The following CGNL1 variants were observed in gnomAD, a reference collection of about 807,000 sequenced individuals.
CGNL1 encodes cingulin-like protein 1.
Under a neutral mutation model 141.2 loss-of-function variants are expected in CGNL1, and 132 were observed. That is an observed-to-expected ratio of 0.93 (90% CI 0.81 to 1.08). The LOEUF is 1.08. Ranked by LOEUF, CGNL1 falls within the 50% of genes least tolerant of loss-of-function variation. CGNL1 has a pLI of 0.00. For missense variants in CGNL1, 1,870 were observed against 1,588.6 expected, an observed-to-expected ratio of 1.18 and a Z score of -3.01; for synonymous variants, 690 against 622.1, an observed-to-expected ratio of 1.11 and a Z score of -1.63.
At chr15:57,497,263 T>C (rs2152384736) in intron 8 of CGNL1, among the ~76,000 whole-genome samples, 1 of 152,232 alleles carries the variant, frequency 6.6e-6, no homozygotes, top group Middle Eastern at 3.4e-3. Context: ...CTTTGTTTGC[T>C]CCTGTGTGTG....
At chr15:57,392,570 T>C (rs2062555125) in intron 1 of CGNL1, among the ~76,000 whole-genome samples, 1 of 152,240 alleles carries the variant, frequency 6.6e-6, no homozygotes, top group South Asian at 2.1e-4. Flanking sequence ...AGTATGACTG[T>C]CATTTCCTAC....
rs772842802 is a variant in CGNL1, at chr15:57,548,163, G to T, written c.*673G>T. 4 of 152,030 alleles carry T rather than the reference G, an allele frequency of 2.6e-5. No individual in the cohort carries two copies. The highest frequency in any genetic ancestry group is 4.8e-5 in the African/African-American group (2 of 41,378). The allele number at this position is 152,030 out of a possible 1,614,324, so 9.4% of individuals were successfully genotyped here. A position where few individuals can be genotyped will look rare whatever the true frequency, so the allele number is the denominator to read the frequency against. ...ATTACAGATGACCACCACCACTCCTGGCTAATTTTTTGTATTTAGTAGAGA... is the reference window on the plus strand; with the variant it reads ...ATTACAGATGACCACCACCACTCCTTGCTAATTTTTTGTATTTAGTAGAGA... On this transcript the variant is annotated 3_prime_UTR_variant, in exon 19 of 19. Transcript: ENST00000281282.
At chr15:57,404,192 G>C (rs2062690287) in intron 1 of CGNL1, among the ~76,000 whole-genome samples, 1 of 152,210 alleles carries the variant, frequency 6.6e-6, no homozygotes, top group South Asian at 2.1e-4. Flanking sequence ...CAGGAAAGTA[G>C]CTTATTTCTC....
At chr15:57,537,159 A>G (rs542980444) in intron 14 of CGNL1, among the ~76,000 whole-genome samples, 1 of 152,328 alleles carries the variant, frequency 6.6e-6, no homozygotes, top group South Asian at 2.1e-4. Flanking sequence ...GGAGACCATG[A>G]TGACCCAGCC....
chr15:57,478,457 T>G (rs139426877), intron 8 of CGNL1: 6 of 152,392 alleles, frequency 3.9e-5, no homozygotes, highest in African/African-American at 1.4e-4. Context: ...GCACAGCTCC[T>G]TCTGGAAGGC....
In CGNL1 at chr15:57,384,080, T is replaced by G. The variant is rs537830680; in HGVS notation, c.-16+7513T>G. Reference sequence around the variant, plus strand: ...AGCTTTGGGGAGTGGGGTGGGTGGGTTGGGAGGAGAAGGTAGGGTGAAGGG... The same window carrying G: ...AGCTTTGGGGAGTGGGGTGGGTGGGGTGGGAGGAGAAGGTAGGGTGAAGGG... On this transcript the variant is annotated intron_variant, in intron 1 of 18. Transcript: ENST00000281282. 1.8e-3 allele frequency among the ~76,000 whole-genome samples: 219 copies of G among 124,452 alleles called. 3 individuals carry two copies. Among genetic ancestry groups the G allele is most frequent in the African/African-American group, 6.2e-3 (205 of 33,178 alleles). 81.6% of individuals were successfully genotyped at this position (124,452 alleles called of 152,430 possible).
chr15:57,540,674 T>G (rs1345625096), intron 14 of CGNL1, among the ~76,000 whole-genome samples: 1 of 152,200 alleles, frequency 6.6e-6, no homozygotes, highest in African/African-American at 2.4e-5. Flanking sequence ...AGTCACCCAG[T>G]GCACCCACCC....
At chr15:57,427,318 GTTTTTAATAGCCACACTATACAATA>G (rs1408187297) in intron 1 of CGNL1, among the ~76,000 whole-genome samples, 2 of 152,196 alleles carry the variant, frequency 1.3e-5, no homozygotes, top group African/African-American at 4.8e-5. Flanking sequence ...TATCTTCCAT[GTTTTTAATAGCCACACTATACAATA>G]CAGAGTAGGT....
chr15:57,503,120 T>A (rs1466090597), intron 8 of CGNL1, among the ~76,000 whole-genome samples: 2 of 152,216 alleles, frequency 1.3e-5, no homozygotes, highest in Non-Finnish European at 2.9e-5. Flanking sequence ...TCTATTACTC[T>A]GCAGAGCCTC....
At chr15:57,475,251 C>A (rs1307771852) in intron 8 of CGNL1, among the ~76,000 whole-genome samples, 1 of 152,242 alleles carries the variant, frequency 6.6e-6, no homozygotes, top group Non-Finnish European at 1.5e-5. Context: ...CTGGCTCCCA[C>A]CTGCCTTTGC....
chr15:57,517,120 C>T, intron 9 of CGNL1, 134 bp downstream of exon 9: 1 of 835,610 alleles, frequency 1.2e-6, no homozygotes, highest in Middle Eastern at 3.6e-4. Flanking sequence ...TGAATACATC[C>T]TCTCTGCAAG....
chr15:57,488,848 C>T (rs1478599092), intron 8 of CGNL1, among the ~76,000 whole-genome samples: 4 of 152,174 alleles, frequency 2.6e-5, no homozygotes, highest in Non-Finnish European at 5.9e-5. Context: ...TCCGGGCTGT[C>T]AATGTAATCT....
intron 8 of CGNL1, among the ~76,000 whole-genome samples, chr15:57,497,406 G>C (rs2063956251): frequency 6.6e-6 from 1 of 152,124 alleles, no homozygotes; most frequent in Non-Finnish European, 1.5e-5. Flanking sequence ...CAGGGTTCCT[G>C]TTGTGACAGC....
At position 57,439,129 on chromosome 15, in the gene CGNL1, GAATT is replaced by G; in HGVS notation, c.1134_1137del (p.Asn379GlnfsTer25). The G allele has an allele frequency of 6.2e-7, 1 of 1,614,220 alleles. No individual in the cohort carries two copies. Among genetic ancestry groups the G allele is most frequent in the Non-Finnish European group, 8.5e-7 (1 of 1,180,048 alleles). On this transcript the variant is annotated frameshift_variant, in exon 2 of 19. Coordinates refer to ENST00000281282, the MANE Select transcript of CGNL1 (RefSeq NM_032866.5). LOFTEE classifies it high-confidence loss of function. The stretch of plus-strand genomic sequence containing the variant: ...AGAGGAAGGTCTGGGAAGCGAAACA[GAATT>G]AATACAGATGACAGGAAAAGATCCA...
intron 1 of CGNL1, among the ~76,000 whole-genome samples, chr15:57,418,054 C>G (rs1459149894): frequency 6.6e-6 from 1 of 152,074 alleles, no homozygotes; most frequent in African/African-American, 2.4e-5. Context: ...ATGTTGGGGA[C>G]ACCATCAGGG....
chr15:57,440,444 A>G lies in CGNL1; in HGVS notation c.1670A>G (p.Gln557Arg). ...CAAACCAATGAGGAGACAGCTAAGC[A>G]GATTCTCTACAATTACCTCAAAGAA... is the stretch of plus-strand genomic sequence containing the variant. ...TQQTNEETAK[Q>R]ILYNYLKEGS... The change falls in exon 3 of 19, where the codon CAG (glutamine) becomes CGG (arginine). Residue 557 changes from glutamine to arginine, a missense_variant. Gln to Arg is a conservative substitution (Grantham distance 43). Coordinates refer to ENST00000281282, the MANE Select transcript of CGNL1 (RefSeq NM_032866.5). The G allele has an allele frequency of 6.3e-7, 1 of 1,597,332 alleles. No individual in the cohort carries two copies. The highest frequency in any genetic ancestry group is 8.5e-7 in the Non-Finnish European group (1 of 1,170,776).
intron 8 of CGNL1, among the ~76,000 whole-genome samples, chr15:57,508,100 G>GTGATGAA (rs2064128652): frequency 6.6e-6 from 1 of 152,154 alleles, no homozygotes. Flanking sequence ...TGGTACCTGG[G>GTGATGAA]TGATGAATAC....
chr15:57,493,821 G>A (rs1217280456), intron 8 of CGNL1, among the ~76,000 whole-genome samples: 1 of 152,190 alleles, frequency 6.6e-6, no homozygotes, highest in Non-Finnish European at 1.5e-5. Flanking sequence ...TAGGTGCATA[G>A]TTACTTTCCA....
intron 14 of CGNL1, among the ~76,000 whole-genome samples, chr15:57,536,709 C>A (rs531421291): frequency 6.6e-6 from 1 of 152,320 alleles, no homozygotes; most frequent in African/African-American, 2.4e-5. Flanking sequence ...GCCATCCTTA[C>A]CAATGATTCC....
Sources: allele counts gnomAD v4.1 joint callset (sites outside exome capture counted in the v4.1 genomes callset), GRCh38; gene constraint gnomAD v4.1.1; transcripts MANE v1.5; gene names NCBI Gene and HGNC (gene_info 2026-07-23, HGNC 2026-07-21).